Variants in DPP6 observed in about 807,000 individuals in gnomAD.
The protein encoded by DPP6 is A-type potassium channel modulatory protein DPP6.
In DPP6, 69 loss-of-function variants were observed where a neutral mutation model predicts 122.6. That is an observed-to-expected ratio of 0.56 (90% CI 0.46 to 0.69). DPP6 has a LOEUF of 0.69. Among genes scored for constraint, DPP6 ranks in the 30% least tolerant of loss-of-function variants. The pLI, the probability that DPP6 is intolerant of heterozygous loss-of-function variation, is 0.00. For missense variants in DPP6, 928 were observed against 1,116.9 expected (o/e 0.83, Z 2.41); for synonymous variants, 418 against 433.1 (o/e 0.97, Z 0.43).
At chr7:154,531,799 G>T (rs1295761285) in intron 3 of DPP6, among the ~76,000 whole-genome samples, 1 of 152,016 alleles carries the variant, frequency 6.6e-6, no homozygotes, top group Non-Finnish European at 1.5e-5. Context: ...AGCTTAACAG[G>T]TTTCTATAGT....
chr7:154,637,960 G>T, intron 6 of DPP6, 87 bp downstream of exon 6: 1 of 1,402,720 alleles, frequency 7.1e-7, no homozygotes. Flanking sequence ...AACCCTTAGG[G>T]CGGGAAATGG....
At chr7:153,776,337 T>A in the DPP6 span, among the ~76,000 whole-genome samples, 1 of 152,136 alleles carries the variant, frequency 6.6e-6, no homozygotes, top group Non-Finnish European at 1.5e-5. Flanking sequence ...ACTTCCATGC[T>A]GTTCCCGTGA....
At chr7:153,829,724 G>C in the DPP6 span, among the ~76,000 whole-genome samples, 1 of 152,198 alleles carries the variant, frequency 6.6e-6, no homozygotes, top group Non-Finnish European at 1.5e-5. Flanking sequence ...GTGGACCTCT[G>C]ATGGCCACTT....
At chr7:154,681,201 C>T (rs1161502362) in intron 7 of DPP6, among the ~76,000 whole-genome samples, 1 of 152,158 alleles carries the variant, frequency 6.6e-6, no homozygotes, top group Non-Finnish European at 1.5e-5. Context: ...TGCTTGCCCA[C>T]GTTGGCCGGT....
chr7:154,144,843 G>A (rs1796013299), intron 1 of DPP6, among the ~76,000 whole-genome samples: 1 of 151,368 alleles, frequency 6.6e-6, no homozygotes, highest in South Asian at 2.1e-4. Flanking sequence ...GGAGAAGGCT[G>A]TCTGCAAACC....
chr7:154,573,880 G>A (rs1267972859), intron 5 of DPP6, among the ~76,000 whole-genome samples: 1 of 152,202 alleles, frequency 6.6e-6, no homozygotes, highest in East Asian at 1.9e-4. Context: ...GTAGACTGCT[G>A]CCTCCTGTTG....
intron 1 of DPP6, among the ~76,000 whole-genome samples, chr7:154,216,733 G>C (rs1800021324): frequency 6.6e-6 from 1 of 152,048 alleles, no homozygotes; most frequent in Non-Finnish European, 1.5e-5. Flanking sequence ...TCATTCGTGG[G>C]AACCTGTCCT....
chr7:154,278,242 T>C (rs1804265969), intron 1 of DPP6, among the ~76,000 whole-genome samples: 1 of 152,172 alleles, frequency 6.6e-6, no homozygotes, highest in African/African-American at 2.4e-5. Context: ...TGACACACCA[T>C]GGCCAGCGAC....
At chr7:154,275,924 C>G (rs1200655410) in intron 1 of DPP6, among the ~76,000 whole-genome samples, 2 of 152,262 alleles carry the variant, frequency 1.3e-5, no homozygotes, top group Non-Finnish European at 2.9e-5. Flanking sequence ...AATCAAATAG[C>G]TCTGAATTCA....
At chr7:154,399,812 A>G (rs1815413496) in intron 1 of DPP6, among the ~76,000 whole-genome samples, 2 of 152,202 alleles carry the variant, frequency 1.3e-5, no homozygotes, top group South Asian at 4.2e-4. Flanking sequence ...AATGGCTAAG[A>G]AAGGATATCA....
chr7:154,488,223 G>A (rs967183926), intron 3 of DPP6, among the ~76,000 whole-genome samples: 4 of 152,212 alleles, frequency 2.6e-5, no homozygotes, highest in South Asian at 2.1e-4. Flanking sequence ...AGTAGCTCAC[G>A]CAAGCCTGTA....
intron 1 of DPP6, among the ~76,000 whole-genome samples, chr7:154,207,256 A>T (rs1799498858): frequency 6.6e-6 from 1 of 152,232 alleles, no homozygotes; most frequent in South Asian, 2.1e-4. Context: ...ACCCAATCAT[A>T]GGCATTTCCT....
At chr7:154,744,658 A>G (rs1419993324) in intron 8 of DPP6, among the ~76,000 whole-genome samples, 2 of 152,230 alleles carry the variant, frequency 1.3e-5, no homozygotes, top group Non-Finnish European at 2.9e-5. Flanking sequence ...TGCTCTCGGC[A>G]CCTTGGATAA....
At chr7:153,804,849 A>T in the DPP6 span, among the ~76,000 whole-genome samples, 1 of 151,946 alleles carries the variant, frequency 6.6e-6, no homozygotes, top group Non-Finnish European at 1.5e-5. Flanking sequence ...GCACCATTGC[A>T]CTCCAGCCTG....
chr7:153,962,421 T>C lies in DPP6; in HGVS notation c.51+74687T>C, dbSNP rs149276553. Among the ~76,000 whole-genome samples the C allele has an allele frequency of 5.8e-3, 882 of 152,318 alleles. 7 individuals carry two copies. The highest frequency in any genetic ancestry group is 9.0e-3 in the Non-Finnish European group (615 of 68,028). On this transcript the variant is annotated intron_variant, in intron 1 of 25. Coordinates refer to the DPP6 transcript ENST00000404039. Reference sequence around the variant, plus strand: ...TGCAAAGTTTTCAAGTTCTCGTCTTTTGTGCTTCTCTTCCTCTGCCTGAAC... The same window carrying C: ...TGCAAAGTTTTCAAGTTCTCGTCTTCTGTGCTTCTCTTCCTCTGCCTGAAC...
chr7:154,523,255 T>C (rs1299216786), intron 3 of DPP6, among the ~76,000 whole-genome samples: 1 of 152,334 alleles, frequency 6.6e-6, no homozygotes, highest in East Asian at 1.9e-4. Flanking sequence ...TACCCTATAC[T>C]GTACTCTACA....
At chr7:154,428,267 C>T (rs555398282) in intron 1 of DPP6, among the ~76,000 whole-genome samples, 143 of 152,270 alleles carry the variant, frequency 9.4e-4, no homozygotes, top group South Asian at 2.5e-3. Context: ...TAATTGACTT[C>T]TAGGCATAGA....
At chr7:154,109,066 G>A (rs574664357) in intron 1 of DPP6, among the ~76,000 whole-genome samples, 11 of 152,356 alleles carry the variant, frequency 7.2e-5, no homozygotes, top group Middle Eastern at 3.4e-3. Context: ...ACAGGAAAAC[G>A]TCTAGAGCTT....
intron 8 of DPP6, among the ~76,000 whole-genome samples, chr7:154,739,125 T>C (rs1285113061): frequency 6.6e-6 from 1 of 152,138 alleles, no homozygotes; most frequent in African/African-American, 2.4e-5. Context: ...GGCCTGGGAA[T>C]GACCCTGGCA....
Sources: allele counts gnomAD v4.1 joint callset (sites outside exome capture counted in the v4.1 genomes callset), GRCh38; gene constraint gnomAD v4.1.1; transcripts MANE v1.5; gene names NCBI Gene and HGNC (gene_info 2026-07-23, HGNC 2026-07-21).